ZNF226: variants seen among roughly 807,000 people sequenced by gnomAD.
ZNF226 encodes the protein zinc finger protein 226.
ZNF226 carries 6 observed loss-of-function variants against 11.4 expected under a neutral mutation model. That is an observed-to-expected ratio of 0.53 (90% CI 0.29 to 1.04). The LOEUF is 1.04. Among genes scored for constraint, ZNF226 ranks in the 50% least tolerant of loss-of-function variants. ZNF226 has a pLI of 0.08. For missense variants in ZNF226, 1,058 were observed against 956.5 expected, an observed-to-expected ratio of 1.11 and a Z score of -1.40; for synonymous variants, 350 against 322.8, an observed-to-expected ratio of 1.08 and a Z score of -0.90.
rs755650710 is a variant in ZNF226, at chr19:44,176,968, A to G, written c.1706A>G (p.Asn569Ser). 5.6e-5 allele frequency: 91 copies of G among 1,613,682 alleles called. No individual in the cohort carries two copies. Among genetic ancestry groups the G allele is most frequent in the Non-Finnish European group, 6.8e-5 (80 of 1,179,854 alleles). The change falls in exon 6 of 6, where the codon AAT becomes AGT. Residue 569 changes from asparagine (N) to serine (S), a missense_variant. Physicochemically the swap from Asn to Ser is conservative, Grantham distance 46. Coordinates refer to ENST00000337433, the MANE Select transcript of ZNF226 (RefSeq NM_001032373.2). ...TGTGAGGAGTGTGGGCAGGGTTTCA[A>G]TCAGAGCTCACGACTTCAGATTCAC... is the stretch of plus-strand genomic sequence containing the variant. ...FKCEECGQGF[N>S]QSSRLQIHQL...
chr19:44,179,819 G>A (rs556483669), downstream of ZNF226, among the ~76,000 whole-genome samples: 45 of 151,966 alleles, frequency 3.0e-4, no homozygotes, highest in Non-Finnish European at 5.6e-4. Flanking sequence ...GCGGTTGCTC[G>A]TGCCTCTAAT....
chr19:44,190,285 A>G, the ZNF226 span, among the ~76,000 whole-genome samples: 2 of 152,150 alleles, frequency 1.3e-5, no homozygotes, highest in Non-Finnish European at 2.9e-5. Flanking sequence ...AATAATTTAC[A>G]TAAGAGCAGC....
At chr19:44,166,539 ATTAG>A (rs1568561260) in intron 2 of ZNF226, among the ~76,000 whole-genome samples, 1 of 152,210 alleles carries the variant, frequency 6.6e-6, no homozygotes, top group Admixed American at 6.5e-5. Flanking sequence ...TTTCTCAATT[ATTAG>A]TTTTATTTGT....
downstream of ZNF226, chr19:44,178,522 C>A (rs552448519): frequency 3.9e-5 from 6 of 152,048 alleles, no homozygotes; most frequent in Non-Finnish European, 8.8e-5. Context: ...TTGCAGATTT[C>A]TTTTGTGAAC....
intron 5 of ZNF226, 148 bp from the exon 6 acceptor site, chr19:44,175,350 T>C: frequency 7.0e-7 from 1 of 1,420,554 alleles, no homozygotes; most frequent in African/African-American, 1.4e-5. Flanking sequence ...TTTCTGTCAG[T>C]ATGTAAACCA....
At chr19:44,191,620 T>C in the ZNF226 span, among the ~76,000 whole-genome samples, 1 of 152,132 alleles carries the variant, frequency 6.6e-6, no homozygotes, top group Non-Finnish European at 1.5e-5. Context: ...ATTTAGAACT[T>C]TGATCCTGGA....
chr19:44,170,192 T>TG, intron 3 of ZNF226, 97 bp downstream of exon 3: 1 of 1,289,718 alleles, frequency 7.8e-7, no homozygotes, highest in South Asian at 1.3e-5. Flanking sequence ...TCAAGGCATC[T>TG]GATGACCTGT....
intron 3 of ZNF226, among the ~76,000 whole-genome samples, chr19:44,170,635 G>A (rs1270096250): frequency 4.6e-5 from 7 of 152,364 alleles, no homozygotes; most frequent in African/African-American, 1.7e-4. Flanking sequence ...TCGGGAGGCT[G>A]AGGCAGGAGA....
the ZNF226 span, among the ~76,000 whole-genome samples, chr19:44,192,616 T>C: frequency 6.6e-6 from 1 of 152,192 alleles, no homozygotes; most frequent in Non-Finnish European, 1.5e-5. Flanking sequence ...AAAGTGGAAC[T>C]GAGATATGAA....
At chr19:44,191,750 G>T in the ZNF226 span, among the ~76,000 whole-genome samples, 2 of 150,958 alleles carry the variant, frequency 1.3e-5, no homozygotes, top group Non-Finnish European at 3.0e-5. Context: ...AGCAAATACA[G>T]AACATTACAT....
intron 5 of ZNF226, 171 bp from the exon 6 acceptor site, chr19:44,175,327 G>A: frequency 1.4e-6 from 2 of 1,410,382 alleles, no homozygotes; most frequent in Non-Finnish European, 1.8e-6. Context: ...CTTGGTTTTG[G>A]ACCATCTCTT....
intron 2 of ZNF226, among the ~76,000 whole-genome samples, chr19:44,168,476 A>G (rs1969662724): frequency 6.6e-6 from 1 of 152,142 alleles, no homozygotes; most frequent in Admixed American, 6.5e-5. Flanking sequence ...GTCTAATTGT[A>G]TGCATTGCAC....
downstream of ZNF226, chr19:44,178,428 T>G (rs1480473961): frequency 1.3e-5 from 2 of 152,166 alleles, no homozygotes; most frequent in Non-Finnish European, 1.5e-5. Context: ...GATCATTGGT[T>G]TTTTCACATT....
Position 44,177,150 on chromosome 19 carries a change from C to A in ZNF226, c.1888C>A (p.Leu630Ile). ...CGKVFRQASN[L>I]LAHQRVHSGE... is the part of the protein sequence containing the mutation. ...GAAGGTCTTCAGGCAGGCCTCAAAT[C>A]TTTTGGCCCATCAGAGAGTCCACAG... is the stretch of plus-strand genomic sequence containing the variant. The change falls in exon 6 of 6, where the codon CTT becomes ATT. Residue 630 changes from leucine to isoleucine, a missense_variant. Physicochemically the swap from Leu to Ile is conservative, Grantham distance 5. Coordinates refer to ENST00000337433, the MANE Select transcript of ZNF226 (RefSeq NM_001032373.2). The A allele has an allele frequency of 6.2e-7, 1 of 1,613,982 alleles. No homozygotes were observed. The highest frequency in any genetic ancestry group is 2.2e-5 in the East Asian group (1 of 44,854).
the ZNF226 span, among the ~76,000 whole-genome samples, chr19:44,185,203 A>G: frequency 2.6e-5 from 4 of 152,228 alleles, no homozygotes; most frequent in East Asian, 5.8e-4. Context: ...CATCTTGGCT[A>G]TAATGCTGTG....
chr19:44,175,110 A>G, intron 5 of ZNF226: 1 of 1,587,240 alleles, frequency 6.3e-7, no homozygotes, highest in South Asian at 1.2e-5. Context: ...ATATATGCAT[A>G]CATTCCTTGA....
At chr19:44,182,889 C>T (rs545461330), downstream of ZNF226, among the ~76,000 whole-genome samples, 16 of 152,124 alleles carry the variant, frequency 1.1e-4, no homozygotes, top group Admixed American at 2.6e-4. Flanking sequence ...TACTGAATCC[C>T]TGCTTGATTT....
the ZNF226 span, among the ~76,000 whole-genome samples, chr19:44,184,010 C>G: frequency 1.6e-4 from 24 of 152,160 alleles, no homozygotes; most frequent in Non-Finnish European, 1.9e-4. Flanking sequence ...TAAATTGTCT[C>G]ATTGAAGCAT....
chr19:44,183,764 T>G, the ZNF226 span, among the ~76,000 whole-genome samples: 1 of 152,348 alleles, frequency 6.6e-6, no homozygotes, highest in South Asian at 2.1e-4. Context: ...GTTTTATTTC[T>G]ACAGCAAATC....
Sources: allele counts gnomAD v4.1 joint callset (sites outside exome capture counted in the v4.1 genomes callset), GRCh38; gene constraint gnomAD v4.1.1; transcripts MANE v1.5; gene names NCBI Gene and HGNC (gene_info 2026-07-23, HGNC 2026-07-21).